Variants in C6orf118 observed in about 807,000 individuals in gnomAD.
C6orf118 encodes the protein uncharacterized protein C6orf118.
Under a neutral mutation model 50.2 loss-of-function variants are expected in C6orf118, and 50 were observed. That is an observed-to-expected ratio of 1.00 (90% CI 0.79 to 1.26). The LOEUF (loss-of-function observed/expected upper bound fraction) is 1.26, where lower values mean the gene tolerates loss of function less well. Ranked by LOEUF, C6orf118 falls within the 50% of genes most tolerant of loss-of-function variation. C6orf118 has a pLI of 0.00. For missense variants in C6orf118, 641 were observed against 578.7 expected (o/e 1.11, Z -1.10); for synonymous variants, 239 against 230.9 (o/e 1.03, Z -0.32).
intron 1 of C6orf118, 121 bp from the exon 2 acceptor site, chr6:165,302,417 A>T: frequency 8.0e-7 from 1 of 1,253,692 alleles, no homozygotes; most frequent in Non-Finnish European, 1.1e-6. Context: ...AAACAGACGA[A>T]CAGAGTACAT....
Position 165,302,160 on chromosome 6 carries a change from C to A in C6orf118, c.162G>T (p.Glu54Asp), listed in dbSNP as rs867657012. 1 of 1,613,006 alleles carries A rather than the reference C, an allele frequency of 6.2e-7. No homozygotes were observed. The highest frequency in any genetic ancestry group is 1.7e-4 in the Middle Eastern group (1 of 6,052). ...GTCCAGAGATGTAGAGGTAGACGTC[C>A]TCCCGGTGGTCTTTCTGAAGCCGAT... is the stretch of plus-strand genomic sequence containing the variant. ...LLNRLQKDHR[E>D]DVYLYISGHL... The change falls in exon 2 of 9, where the codon GAG becomes GAT. Residue 54 changes from glutamate (E) to aspartate (D), a missense_variant. Physicochemically the swap from Glu to Asp is conservative, Grantham distance 45. Transcript: ENST00000230301.
At chr6:165,306,489 A>T (rs1163009072) in intron 1 of C6orf118, among the ~76,000 whole-genome samples, 11 of 119,272 alleles carry the variant, frequency 9.2e-5, no homozygotes, top group African/African-American at 3.9e-4. Context: ...AAAAATTATA[A>T]AAAAAAAAGA....
At chr6:165,309,326 C>T (rs892966194) in intron 1 of C6orf118, among the ~76,000 whole-genome samples, 1 of 152,262 alleles carries the variant, frequency 6.6e-6, no homozygotes, top group Non-Finnish European at 1.5e-5. Context: ...CACTCGCTGG[C>T]TCCCACGCCC....
At chr6:165,307,569 A>AT (rs33945208) in intron 1 of C6orf118, among the ~76,000 whole-genome samples, 5,861 of 148,848 alleles carry the variant, frequency 0.039, 396 homozygotes, top group African/African-American at 0.14. Context: ...AAAAAAAAAA[A>AT]TTTTTTTTAA....
intron 7 of C6orf118, among the ~76,000 whole-genome samples, chr6:165,283,625 C>A (rs1779807563): frequency 6.6e-6 from 1 of 152,178 alleles, no homozygotes; most frequent in South Asian, 2.1e-4. Flanking sequence ...GAGTCGGCAG[C>A]AATCTTTGCT....
At chr6:165,302,394 A>T (rs1453761112) in intron 1 of C6orf118, 98 bp from the exon 2 acceptor site, 11 of 1,431,116 alleles carry the variant, frequency 7.7e-6, no homozygotes, top group Non-Finnish European at 9.4e-6. Context: ...TGACCAAAAG[A>T]GGGTCTATGG....
chr6:165,287,051 T>C (rs895061135), intron 7 of C6orf118, among the ~76,000 whole-genome samples: 4 of 152,162 alleles, frequency 2.6e-5, no homozygotes, highest in Non-Finnish European at 4.4e-5. Flanking sequence ...GCCCCAAAGC[T>C]TCTTAAGCTG....
intron 7 of C6orf118, among the ~76,000 whole-genome samples, chr6:165,284,909 G>A (rs1779851546): frequency 6.6e-6 from 1 of 151,956 alleles, no homozygotes. Flanking sequence ...TACATTAGCA[G>A]GTGTGCAAAA....
At chr6:165,292,962 A>C (rs1780154864) in intron 6 of C6orf118, among the ~76,000 whole-genome samples, 1 of 152,228 alleles carries the variant, frequency 6.6e-6, no homozygotes, top group South Asian at 2.1e-4. Flanking sequence ...AAAACAGAGT[A>C]TGAGTGAGTG....
intron 5 of C6orf118, among the ~76,000 whole-genome samples, chr6:165,294,735 C>G (rs913133621): frequency 6.6e-6 from 1 of 151,844 alleles, no homozygotes; most frequent in Non-Finnish European, 1.5e-5. Flanking sequence ...AAAAATAATA[C>G]AAAAATTAGT....
Position 165,301,026 on chromosome 6 carries a change from T to G in C6orf118, c.754-540A>C, listed in dbSNP as rs555535484. Among the ~76,000 whole-genome samples, 26 of 152,132 alleles carry G rather than the reference T, an allele frequency of 1.7e-4. 1 individual carries two copies. The highest frequency in any genetic ancestry group is 6.0e-4 in the African/African-American group (25 of 41,518). On this transcript the variant is annotated intron_variant, in intron 2 of 8. Transcript: ENST00000230301. ...CCAGGCAAGCCCTCTCTCAGACCCC[T>G]CTGCTGACCTACGAACATCTGATTT...
intron 3 of C6orf118, 110 bp from the exon 4 acceptor site, chr6:165,299,612 C>A: frequency 2.6e-6 from 2 of 776,822 alleles, no homozygotes; most frequent in Non-Finnish European, 4.2e-6. Flanking sequence ...TAGATCATTT[C>A]AGAAAAATAT....
At chr6:165,307,203 TCCCCCCACC>T (rs1780767828) in intron 1 of C6orf118, among the ~76,000 whole-genome samples, 1 of 80,234 alleles carries the variant, frequency 1.2e-5, no homozygotes, top group African/African-American at 6.8e-5. Context: ...AATGTATCCA[TCCCCCCACC>T]CCCCCCACCC....
chr6:165,296,243 G>GTT (rs1285694115), intron 5 of C6orf118, among the ~76,000 whole-genome samples: 3 of 55,352 alleles, frequency 5.4e-5, no homozygotes, highest in African/African-American at 1.6e-4. Flanking sequence ...TGTTGTTTTC[G>GTT]TTTTTTGTTT....
chr6:165,286,384 C>T (rs542528125), intron 7 of C6orf118, among the ~76,000 whole-genome samples: 23 of 152,134 alleles, frequency 1.5e-4, no homozygotes, highest in African/African-American at 5.1e-4. Context: ...TCTTCTGAAA[C>T]GCTTCCAAAC....
At chr6:165,295,810 A>T (rs563110193) in intron 5 of C6orf118, among the ~76,000 whole-genome samples, 3 of 152,102 alleles carry the variant, frequency 2.0e-5, no homozygotes, top group Non-Finnish European at 4.4e-5. Flanking sequence ...CCTTCACTGG[A>T]CATTTCTAAA....
At chr6:165,288,056 A>G (rs184385357) in intron 7 of C6orf118, among the ~76,000 whole-genome samples, 12 of 152,308 alleles carry the variant, frequency 7.9e-5, no homozygotes, top group Admixed American at 3.3e-4. Flanking sequence ...AATGTTCACA[A>G]TCTACAAGGA....
chr6:165,302,999 A>G (rs1780617006), intron 1 of C6orf118, among the ~76,000 whole-genome samples: 1 of 152,242 alleles, frequency 6.6e-6, no homozygotes, highest in African/African-American at 2.4e-5. Flanking sequence ...ACGTTACTGA[A>G]CACTTCAGAT....
At chr6:165,303,327 A>G (rs566207470) in intron 1 of C6orf118, among the ~76,000 whole-genome samples, 1 of 152,004 alleles carries the variant, frequency 6.6e-6, no homozygotes, top group Non-Finnish European at 1.5e-5. Context: ...AGCAGTGTGT[A>G]GAGGGAAATT....
Sources: allele counts gnomAD v4.1 joint callset (sites outside exome capture counted in the v4.1 genomes callset), GRCh38; gene constraint gnomAD v4.1.1; transcripts MANE v1.5; gene names NCBI Gene and HGNC (gene_info 2026-07-23, HGNC 2026-07-21).